MAP4K3: variants seen among roughly 807,000 people sequenced by gnomAD.
MAP4K3 encodes the protein mitogen-activated protein kinase kinase kinase kinase 3.
In MAP4K3, 94 loss-of-function variants were observed where a neutral mutation model predicts 143.5. That is an observed-to-expected ratio of 0.65 (90% CI 0.55 to 0.78). The LOEUF is 0.78. MAP4K3 is among the 30% of genes least tolerant of loss of function. The pLI is 0.00. For missense variants in MAP4K3, 1,077 were observed against 1,068.1 expected, an observed-to-expected ratio of 1.01 and a Z score of -0.12; for synonymous variants, 416 against 347.2, an observed-to-expected ratio of 1.20 and a Z score of -2.20.
At chr2:39,420,580 CTTT>C (rs1268859534) in intron 1 of MAP4K3, among the ~76,000 whole-genome samples, 1 of 139,562 alleles carries the variant, frequency 7.2e-6, no homozygotes, top group Non-Finnish European at 1.6e-5. Context: ...CCATGCCTGG[CTTT>C]TTTTTTTTTT....
chr2:39,372,968 T>A (rs116792383), intron 2 of MAP4K3, among the ~76,000 whole-genome samples: 12 of 152,024 alleles, frequency 7.9e-5, no homozygotes, highest in African/African-American at 2.9e-4. Context: ...AGCTTCTGCA[T>A]AGCAAAACAA....
chr2:39,372,078 T>G (rs1666098081), intron 2 of MAP4K3, among the ~76,000 whole-genome samples: 1 of 151,746 alleles, frequency 6.6e-6, no homozygotes, highest in Non-Finnish European at 1.5e-5. Context: ...ACTGATAAAT[T>G]CAGTAAAGCT....
chr2:39,334,261 AAG>A (rs1333755017), intron 6 of MAP4K3, among the ~76,000 whole-genome samples: 1 of 152,140 alleles, frequency 6.6e-6, no homozygotes, highest in Non-Finnish European at 1.5e-5. Flanking sequence ...CATCTTCAAT[AAG>A]CTCAAAGCTT....
intron 26 of MAP4K3, among the ~76,000 whole-genome samples, chr2:39,271,250 C>G (rs61122976): frequency 5.3e-5 from 8 of 152,250 alleles, no homozygotes; most frequent in Admixed American, 3.3e-4. Context: ...TCAATTTTGT[C>G]TCATTTATAC....
chr2:39,344,516 G>A (rs950509146), intron 3 of MAP4K3, among the ~76,000 whole-genome samples: 21 of 152,178 alleles, frequency 1.4e-4, no homozygotes, highest in African/African-American at 3.9e-4. Flanking sequence ...TTTCTATACT[G>A]TATGGCTGCT....
At chr2:39,320,629 G>C (rs1683269069) in intron 12 of MAP4K3, among the ~76,000 whole-genome samples, 1 of 151,878 alleles carries the variant, frequency 6.6e-6, no homozygotes, top group South Asian at 2.1e-4. Context: ...TCTGAAGGTG[G>C]GTAGAATGGA....
At chr2:39,327,470 T>G (rs1264921605) in intron 8 of MAP4K3, among the ~76,000 whole-genome samples, 1 of 152,152 alleles carries the variant, frequency 6.6e-6, no homozygotes, top group Non-Finnish European at 1.5e-5. Context: ...CTATTAATTA[T>G]CAAATACAAA....
intron 1 of MAP4K3, among the ~76,000 whole-genome samples, chr2:39,413,537 T>C: frequency 6.6e-6 from 1 of 152,046 alleles, no homozygotes; most frequent in African/African-American, 2.4e-5. Flanking sequence ...ATGGGTCACA[T>C]CCAGTCACTA....
At position 39,342,170 on chromosome 2, in the gene MAP4K3, G is replaced by A. The variant is rs190307173; in HGVS notation, c.310+1218C>T. Among the ~76,000 whole-genome samples, 23 of 150,958 alleles carry A rather than the reference G, an allele frequency of 1.5e-4. No individual in the cohort carries two copies. In the East Asian group the frequency reaches 2.3e-3, roughly 15 times the overall value. ...TATTATTATTTTGAGACAGAGTCTC[G>A]TTCTGTTGCCCAGGCTGTAGTCCAA... On this transcript the variant is annotated intron_variant, in intron 4 of 33. Coordinates refer to ENST00000263881, the MANE Select transcript of MAP4K3 (RefSeq NM_003618.4).
chr2:39,296,326 C>G (rs1185505046), intron 16 of MAP4K3, among the ~76,000 whole-genome samples: 1 of 152,046 alleles, frequency 6.6e-6, no homozygotes, highest in Admixed American at 6.6e-5. Flanking sequence ...ATCTTGAGAG[C>G]ACTGGAGAAA....
chr2:39,293,663 T>C (rs1046241159), intron 16 of MAP4K3, among the ~76,000 whole-genome samples: 2 of 152,210 alleles, frequency 1.3e-5, no homozygotes, highest in African/African-American at 4.8e-5. Context: ...CCTGAAATTA[T>C]ATATACTTTC....
chr2:39,383,115 G>A (rs960534884), intron 1 of MAP4K3, among the ~76,000 whole-genome samples: 1 of 152,134 alleles, frequency 6.6e-6, no homozygotes, highest in Non-Finnish European at 1.5e-5. Flanking sequence ...CTTCATGTTC[G>A]CTTTCCCAAA....
rs1167190085 is a variant in MAP4K3 at position 39,427,587 on chromosome 2, G to C, written c.96+9305C>G. Among the ~76,000 whole-genome samples the C allele has an allele frequency of 2.0e-5, 3 of 152,258 alleles. No homozygotes were observed. In the East Asian group the frequency reaches 5.8e-4, roughly 29 times the overall value. ...CCTTCTAAAATCCACATACTGACCA[G>C]AAAGAGAACAGAGAAAGATCAGTTA... On this transcript the variant is annotated intron_variant, in intron 1 of 33. Coordinates refer to ENST00000263881, the MANE Select transcript of MAP4K3 (RefSeq NM_003618.4).
chr2:39,394,031 T>A (rs1388162795), intron 1 of MAP4K3, among the ~76,000 whole-genome samples: 1 of 152,192 alleles, frequency 6.6e-6, no homozygotes, highest in Non-Finnish European at 1.5e-5. Context: ...AATTTATAAC[T>A]AAGCTCCATC....
At chr2:39,258,201 G>A (rs137905386) in intron 31 of MAP4K3, 147 bp downstream of exon 31, 40 of 639,096 alleles carry the variant, frequency 6.3e-5, no homozygotes, top group Non-Finnish European at 9.1e-5. Flanking sequence ...CAAAGTGCTG[G>A]GATTACAGGC....
intron 3 of MAP4K3, among the ~76,000 whole-genome samples, chr2:39,354,660 TCAAACAAA>T (rs1387762034): frequency 6.7e-6 from 1 of 148,594 alleles, no homozygotes; most frequent in Admixed American, 6.7e-5. Context: ...AGACTCTGTC[TCAAACAAA>T]CAAACAAAAA....
chr2:39,275,192 T>C (rs1435543658), intron 24 of MAP4K3, among the ~76,000 whole-genome samples: 1 of 152,170 alleles, frequency 6.6e-6, no homozygotes, highest in East Asian at 1.9e-4. Flanking sequence ...GGGTGCCTTC[T>C]CTCAAGAGTC....
intron 2 of MAP4K3, among the ~76,000 whole-genome samples, chr2:39,359,151 G>A (rs1361032039): frequency 6.6e-6 from 1 of 152,144 alleles, no homozygotes; most frequent in Admixed American, 6.5e-5. Flanking sequence ...TACAGGCATT[G>A]GGTAAATACA....
chr2:39,279,900 C>T (rs1681442302), intron 23 of MAP4K3, among the ~76,000 whole-genome samples: 1 of 152,074 alleles, frequency 6.6e-6, no homozygotes, highest in Non-Finnish European at 1.5e-5. Context: ...TTATAGTGAG[C>T]CATGATCATG....
Sources: allele counts gnomAD v4.1 joint callset (sites outside exome capture counted in the v4.1 genomes callset), GRCh38; gene constraint gnomAD v4.1.1; transcripts MANE v1.5; gene names NCBI Gene and HGNC (gene_info 2026-07-23, HGNC 2026-07-21).